The following RARB variants were observed in gnomAD, a reference collection of about 807,000 sequenced individuals.
RARB encodes HBV-activated protein.
Under a neutral mutation model 51.9 loss-of-function variants are expected in RARB, and 17 were observed. The observed-to-expected ratio is 0.33, with a 90% confidence interval of 0.22 to 0.49. The LOEUF is 0.49. Ranked by LOEUF, RARB falls within the 20% of genes least tolerant of loss-of-function variation. The pLI, the probability that RARB is intolerant of heterozygous loss-of-function variation, is 0.99. For missense variants in RARB, 369 were observed against 550.8 expected, an observed-to-expected ratio of 0.67 and a Z score of 3.30; for synonymous variants, 215 against 195.4, an observed-to-expected ratio of 1.10 and a Z score of -0.84.
At position 25,276,200 on chromosome 3, in the gene RARB, C is replaced by A. The variant is rs577928896; in HGVS notation, c.178+101625C>A. On this transcript the variant is annotated intron_variant, in intron 5 of 11. Coordinates refer to the RARB transcript ENST00000383772. ...GTCTTTTTGATAATAGCTATTCTAA[C>A]TGGGGTAGTGTGTTATCTCTGTGGT... 2.0e-5 allele frequency among the ~76,000 whole-genome samples: 3 copies of A among 152,176 alleles called. No homozygotes were observed. In the East Asian group the frequency reaches 5.8e-4, roughly 29 times the overall value.
At chr3:24,921,146 A>G (rs975985923) in intron 2 of RARB, among the ~76,000 whole-genome samples, 1 of 152,086 alleles carries the variant, frequency 6.6e-6, no homozygotes, top group Non-Finnish European at 1.5e-5. Flanking sequence ...TTTTTTTTCA[A>G]CGCTAGTACA....
intron 3 of RARB, among the ~76,000 whole-genome samples, chr3:25,083,167 T>A (rs1206564160): frequency 6.6e-6 from 1 of 151,954 alleles, no homozygotes; most frequent in African/African-American, 2.4e-5. Flanking sequence ...TTCATTCAGA[T>A]CCTTGAATTT....
intron 2 of RARB, among the ~76,000 whole-genome samples, chr3:24,865,202 T>A (rs1335372103): frequency 6.6e-6 from 1 of 152,190 alleles, no homozygotes; most frequent in Admixed American, 6.5e-5. Flanking sequence ...TAGGAGTCCC[T>A]TAGTATACAA....
chr3:25,456,680 TATAGAGAGAGAG>T (rs202103041), intron 1 of RARB, among the ~76,000 whole-genome samples: 1,536 of 99,926 alleles, frequency 0.015, 22 homozygotes, highest in East Asian at 0.065. Context: ...TATATATATA[TATAGAGAGAGAG>T]AGAGAGAGAG....
chr3:24,974,118 G>A (rs1332558795), intron 2 of RARB, among the ~76,000 whole-genome samples: 1 of 151,914 alleles, frequency 6.6e-6, no homozygotes, highest in African/African-American at 2.4e-5. Flanking sequence ...ATTTTGAGGT[G>A]TGTTCTTTCT....
At chr3:25,257,583 G>A (rs906911080) in intron 5 of RARB, among the ~76,000 whole-genome samples, 6 of 152,080 alleles carry the variant, frequency 3.9e-5, no homozygotes, top group African/African-American at 1.4e-4. Flanking sequence ...TATGGAGTCA[G>A]TTTCATCAGG....
intron 3 of RARB, among the ~76,000 whole-genome samples, chr3:25,539,443 C>G (rs760159361): frequency 4.0e-5 from 6 of 151,426 alleles, no homozygotes; most frequent in Non-Finnish European, 7.4e-5. Context: ...AACCAAACAT[C>G]TCTAACTGTT....
chr3:25,046,685 C>T (rs1415029036), intron 2 of RARB, among the ~76,000 whole-genome samples: 1 of 152,046 alleles, frequency 6.6e-6, no homozygotes, highest in African/African-American at 2.4e-5. Context: ...AAACTCCTGT[C>T]CTCAAGTGAT....
At chr3:25,186,101 G>T (rs914919085) in intron 5 of RARB, among the ~76,000 whole-genome samples, 1 of 150,100 alleles carries the variant, frequency 6.7e-6, no homozygotes, top group Non-Finnish European at 1.5e-5. Context: ...AGAGCATAAA[G>T]TATGTATATA....
At chr3:25,184,869 G>A (rs1285908811) in intron 5 of RARB, among the ~76,000 whole-genome samples, 1 of 151,660 alleles carries the variant, frequency 6.6e-6, no homozygotes, top group African/African-American at 2.4e-5. Flanking sequence ...TCCAGCCTGG[G>A]CAGCAAAGCA....
rs371660420 is a variant in RARB at position 25,081,425 on chromosome 3, G to A, written c.-328+21249G>A. ...ATATAGTGCTTTTTAAATATCATTT[G>A]GATCAAATTGATTGATAGTGCTGTT... On this transcript the variant is annotated intron_variant, in intron 3 of 11. Coordinates refer to the RARB transcript ENST00000383772. Among the ~76,000 whole-genome samples, 33 of 149,868 alleles carry A rather than the reference G, an allele frequency of 2.2e-4. 1 individual carries two copies. In the South Asian group the frequency reaches 7.0e-3, roughly 32 times the overall value.
chr3:25,513,810 G>T (rs1410641046), intron 3 of RARB, among the ~76,000 whole-genome samples: 4 of 152,132 alleles, frequency 2.6e-5, no homozygotes, highest in African/African-American at 9.7e-5. Flanking sequence ...CAGAAAGGGG[G>T]AGAGGAAGGG....
intron 5 of RARB, among the ~76,000 whole-genome samples, chr3:25,179,437 G>A (rs1700819768): frequency 6.6e-6 from 1 of 152,164 alleles, no homozygotes; most frequent in Non-Finnish European, 1.5e-5. Context: ...CTACTGGACA[G>A]GAATCACATT....
intron 5 of RARB, among the ~76,000 whole-genome samples, chr3:25,396,659 G>A (rs1022785672): frequency 1.3e-5 from 2 of 152,118 alleles, no homozygotes; most frequent in Non-Finnish European, 1.5e-5. Context: ...ATCAGGTTAG[G>A]GCAGGGTTAG....
intron 3 of RARB, among the ~76,000 whole-genome samples, chr3:25,075,077 T>C (rs1698845358): frequency 6.6e-6 from 1 of 152,132 alleles, no homozygotes; most frequent in African/African-American, 2.4e-5. Flanking sequence ...CATTTACAGG[T>C]AAAAACATCC....
intron 2 of RARB, among the ~76,000 whole-genome samples, chr3:24,921,152 G>C (rs1277504223): frequency 6.6e-6 from 1 of 151,982 alleles, no homozygotes; most frequent in Non-Finnish European, 1.5e-5. Flanking sequence ...TTCAACGCTA[G>C]TACAAGCAGT....
At chr3:25,026,064 T>A (rs529733532) in intron 2 of RARB, among the ~76,000 whole-genome samples, 7 of 152,200 alleles carry the variant, frequency 4.6e-5, no homozygotes, top group Non-Finnish European at 1.0e-4. Context: ...ACAAAGTGAT[T>A]TTTAAGTTTT....
At chr3:25,438,492 G>A (rs9284856) in intron 1 of RARB, among the ~76,000 whole-genome samples, 19,540 of 152,208 alleles carry the variant, frequency 0.13, 1,316 homozygotes, top group Middle Eastern at 0.18. Context: ...TTGGTTCCAT[G>A]TTTAATGAAA....
chr3:25,211,003 T>C (rs1042882524), intron 5 of RARB, among the ~76,000 whole-genome samples: 14 of 152,174 alleles, frequency 9.2e-5, no homozygotes, highest in Admixed American at 5.2e-4. Context: ...GTTTCCTCAT[T>C]GTGATAAAAT....
Sources: gnomAD v4.1 joint callset for allele counts (sites outside exome capture counted in the v4.1 genomes callset) on GRCh38, gnomAD v4.1.1 for gene constraint, MANE v1.5 for transcripts, NCBI Gene and HGNC (gene_info 2026-07-23, HGNC 2026-07-21) for gene names.